Variants in WDR25 observed in about 807,000 individuals in gnomAD.
The protein encoded by WDR25 is WD repeat-containing protein 25.
WDR25 carries 35 observed loss-of-function variants against 47.7 expected under a neutral mutation model. That is an observed-to-expected ratio of 0.73 (90% CI 0.56 to 0.97). The LOEUF (loss-of-function observed/expected upper bound fraction) is 0.97. Ranked by LOEUF, WDR25 falls within the 50% of genes least tolerant of loss-of-function variation. The pLI, the probability that WDR25 is intolerant of heterozygous loss-of-function variation, is 0.00. For missense variants in WDR25, 634 were observed against 704.7 expected (o/e 0.90, Z 1.14); for synonymous variants, 248 against 278.9 (o/e 0.89, Z 1.10).
At position 100,407,325 on chromosome 14, in the gene WDR25, C is replaced by G. The variant is rs1405307190; in HGVS notation, c.822+25579C>G. The G allele has an allele frequency of 6.6e-6, 1 of 152,200 alleles. No individual in the cohort carries two copies. The highest frequency in any genetic ancestry group is 2.4e-5 in the African/African-American group (1 of 41,458). 9.4% of individuals were successfully genotyped at this position (152,200 alleles called of 1,614,324 possible). On this transcript the variant is annotated intron_variant, in intron 2 of 6. Transcript: ENST00000402312. The surrounding 1 kb of genome is among the most constrained non-coding windows in gnomAD (Gnocchi z 4.1). The stretch of plus-strand genomic sequence containing the variant: ...ACCCCCCTGTTTACTCTCAGGCTCA[C>G]ATACCTCTCAGAGTCCAGGAGGCAG...
At chr14:100,391,925 G>C (rs1462168450) in intron 2 of WDR25, among the ~76,000 whole-genome samples, 1 of 152,202 alleles carries the variant, frequency 6.6e-6, no homozygotes, top group African/African-American at 2.4e-5. Context: ...GTGTGCTTTT[G>C]CAGTGGATTA....
chr14:100,396,200 T>A (rs1248012429), intron 2 of WDR25, among the ~76,000 whole-genome samples: 2 of 152,178 alleles, frequency 1.3e-5, no homozygotes, highest in Admixed American at 1.3e-4. Context: ...ATGGTCTCGA[T>A]CTCCTGACCT....
intron 4 of WDR25, among the ~76,000 whole-genome samples, chr14:100,513,278 C>T (rs375896978): frequency 6.6e-6 from 1 of 152,096 alleles, no homozygotes; most frequent in African/African-American, 2.4e-5. Flanking sequence ...CATGAGGGCT[C>T]CACCTTTGTT....
rs369235006 is a variant in WDR25 at position 100,498,332 on chromosome 14, C to T, written c.1101+14208C>T. Among the ~76,000 whole-genome samples, 13 of 152,220 alleles carry T rather than the reference C, an allele frequency of 8.5e-5. No homozygotes were observed. Among genetic ancestry groups the T allele is most frequent in the Admixed American group, 4.6e-4 (7 of 15,286 alleles). ...TTCCGTAACAAGCGGGCCATTGCCACGCCCAGTTCAGAAGGGAGATGAGGA... is the reference window on the plus strand; with the variant it reads ...TTCCGTAACAAGCGGGCCATTGCCATGCCCAGTTCAGAAGGGAGATGAGGA... On this transcript the variant is annotated intron_variant, in intron 4 of 6. Coordinates refer to ENST00000402312, the MANE Select transcript of WDR25 (RefSeq NM_001161476.3). This position sits in a 1 kb window ranked among gnomAD's most constrained non-coding sequence, Gnocchi z 4.2.
chr14:100,380,499 C>CT (rs35017232), intron 1 of WDR25, among the ~76,000 whole-genome samples: 7,280 of 145,296 alleles, frequency 0.05, 615 homozygotes, highest in African/African-American at 0.17. Flanking sequence ...CTTTTTCTTT[C>CT]TTTTTTTTTT....
chr14:100,399,407 T>A (rs1343765129), intron 2 of WDR25, among the ~76,000 whole-genome samples: 1 of 151,924 alleles, frequency 6.6e-6, no homozygotes, highest in East Asian at 1.9e-4. Context: ...CCCCTTTTCC[T>A]TTCTCTCTCA....
chr14:100,402,329 A>T (rs1447215161), intron 2 of WDR25, among the ~76,000 whole-genome samples: 2 of 152,066 alleles, frequency 1.3e-5, no homozygotes, highest in Non-Finnish European at 2.9e-5. Context: ...TTTATTTAAG[A>T]CACACTCCCC....
At chr14:100,524,574 C>T (rs76981020) in intron 4 of WDR25, among the ~76,000 whole-genome samples, 6,084 of 152,156 alleles carry the variant, frequency 0.04, 430 homozygotes, top group African/African-American at 0.14. Flanking sequence ...ATTCTTTAGG[C>T]TTCAGGGGGC....
chr14:100,527,871 TAG>T (rs2030262609), intron 5 of WDR25, among the ~76,000 whole-genome samples: 1 of 152,158 alleles, frequency 6.6e-6, no homozygotes, highest in South Asian at 2.1e-4. Context: ...TGGGCTCACT[TAG>T]AGAGTGTGGC....
At chr14:100,522,547 C>G (rs1033598937) in intron 4 of WDR25, among the ~76,000 whole-genome samples, 1 of 152,080 alleles carries the variant, frequency 6.6e-6, no homozygotes, top group Non-Finnish European at 1.5e-5. Flanking sequence ...TGAGAGTTGC[C>G]CAAGAACTCA....
chr14:100,471,636 G>A (rs1355300420), intron 3 of WDR25, among the ~76,000 whole-genome samples: 9 of 152,288 alleles, frequency 5.9e-5, no homozygotes, highest in South Asian at 4.1e-4. Context: ...CGTTCTCACC[G>A]CAGCGCTTTG....
chr14:100,435,173 A>C (rs1337248394), intron 2 of WDR25, among the ~76,000 whole-genome samples: 1 of 152,196 alleles, frequency 6.6e-6, no homozygotes, highest in South Asian at 2.1e-4. Context: ...CACAGATGTG[A>C]GCTGGTCCTA....
rs770372737 is a variant in WDR25 at position 100,525,906 on chromosome 14, T to C, written c.1138T>C (p.Leu380=). 3 of 1,613,860 alleles carry C rather than the reference T, an allele frequency of 1.9e-6. No homozygotes were observed. The highest frequency in any genetic ancestry group is 2.2e-5 in the East Asian group (1 of 44,874). Residue 380 remains leucine (L), a synonymous_variant, in exon 5 of 7, where the codon TTG becomes CTG. Transcript: ENST00000402312. The surrounding 1 kb of genome is among the most constrained non-coding windows in gnomAD (Gnocchi z 4.6). ...CTACAAGGCGACCATCCAGCAGACC[T>C]TGGACATCCTGTTCCTCCGGGAAGG... ...RSYKATIQQT[L]DILFLREGSE...
chr14:100,527,892 A>G (rs181056895), intron 5 of WDR25, among the ~76,000 whole-genome samples: 2 of 152,268 alleles, frequency 1.3e-5, no homozygotes, highest in Admixed American at 1.3e-4. Context: ...GCCTAGGGAC[A>G]ATAGTTAGAA....
At chr14:100,476,108 A>G (rs938764752) in intron 3 of WDR25, among the ~76,000 whole-genome samples, 3 of 152,188 alleles carry the variant, frequency 2.0e-5, no homozygotes, top group Admixed American at 6.5e-5. Context: ...TACATACATT[A>G]TTGCTAATTC....
At chr14:100,439,624 C>G (rs545377455) in intron 2 of WDR25, among the ~76,000 whole-genome samples, 1 of 152,322 alleles carries the variant, frequency 6.6e-6, no homozygotes, top group African/African-American at 2.4e-5. Flanking sequence ...GGAAGGACAG[C>G]TGGGCAGCCC....
chr14:100,472,022 C>T (rs562710398), intron 3 of WDR25, among the ~76,000 whole-genome samples: 1 of 152,336 alleles, frequency 6.6e-6, no homozygotes, highest in South Asian at 2.1e-4. Flanking sequence ...GCCAGCTCAG[C>T]CAGTCTCCTC....
chr14:100,407,815 C>T lies in WDR25; in HGVS notation c.822+26069C>T, dbSNP rs1285034122. On this transcript the variant is annotated intron_variant, in intron 2 of 6. Transcript: ENST00000402312. The surrounding 1 kb of genome is among the most constrained non-coding windows in gnomAD (Gnocchi z 4.1). ...AGCTGGGATTGGAGATGTAGCCCGT[C>T]CCCGTTCAGGAGCCTCTCACGTGTA... Among the ~76,000 whole-genome samples, 2 of 152,178 alleles carry T rather than the reference C, an allele frequency of 1.3e-5. No homozygotes were observed. The highest frequency in any genetic ancestry group is 2.4e-5 in the African/African-American group (1 of 41,436).
In WDR25 at chr14:100,381,321, C is replaced by A; in HGVS notation, c.397C>A (p.Arg133Ser). The A allele has an allele frequency of 1.2e-6, 2 of 1,614,208 alleles. No individual in the cohort carries two copies. The highest frequency in any genetic ancestry group is 1.7e-6 in the Non-Finnish European group (2 of 1,180,038). ...CAGCCACATGCCCCTGGCAGCTGCC[C>A]GCTTTAAGCAAGTAAAACTCTCCAG... ...PASHMPLAAA[R>S]FKQVKLSRNF... Residue 133 changes from arginine to serine, a missense_variant, in exon 2 of 7, where the codon CGC becomes AGC. Coordinates refer to ENST00000402312, the MANE Select transcript of WDR25 (RefSeq NM_001161476.3).
Sources: allele counts gnomAD v4.1 joint callset (sites outside exome capture counted in the v4.1 genomes callset), GRCh38; gene constraint gnomAD v4.1.1; non-coding constraint Gnocchi (gnomAD v3.1); transcripts MANE v1.5; gene names NCBI Gene and HGNC (gene_info 2026-07-23, HGNC 2026-07-21).